ANK2: variants seen among roughly 807,000 people sequenced by gnomAD.
ANK2 encodes the protein ankyrin-2.
Under a neutral mutation model 360.5 loss-of-function variants are expected in ANK2, and 83 were observed. The observed-to-expected ratio is 0.23, with a 90% confidence interval of 0.19 to 0.28. ANK2 has a LOEUF of 0.28. Among genes scored for constraint, ANK2 ranks in the 10% least tolerant of loss-of-function variants. The pLI, the probability that ANK2 is intolerant of heterozygous loss-of-function variation, is 1.00. For missense variants in ANK2, 4,201 were observed against 4,795.7 expected (o/e 0.88, Z 3.66); for synonymous variants, 1,740 against 1,759.5 (o/e 0.99, Z 0.28).
rs764565279 is a variant in ANK2 at position 113,369,819 on chromosome 4, C to G, written c.11610+14C>G. On this transcript the variant is annotated intron_variant, in intron 43 of 45. Coordinates refer to ENST00000357077, the MANE Select transcript of ANK2 (RefSeq NM_001148.6). ...GCTTTTGAAAAGGTAAGACATTCCT[C>G]TCCACTTTCTCGCCCACCTGTAACA... is the stretch of plus-strand genomic sequence containing the variant. 1.9e-6 allele frequency: 3 copies of G among 1,613,968 alleles called. No individual in the cohort carries two copies. Among genetic ancestry groups the G allele is most frequent in the East Asian group, 2.2e-5 (1 of 44,878 alleles).
intron 22 of ANK2, among the ~76,000 whole-genome samples, chr4:113,301,221 T>A (rs542978576): frequency 6.6e-6 from 1 of 152,286 alleles, no homozygotes; most frequent in East Asian, 1.9e-4. Flanking sequence ...CTACAGAAAC[T>A]GAAGGTTTGA....
intron 2 of ANK2, among the ~76,000 whole-genome samples, chr4:113,024,162 A>G (rs1298511329): frequency 6.6e-6 from 1 of 152,218 alleles, no homozygotes; most frequent in Non-Finnish European, 1.5e-5. Flanking sequence ...AGAAAAGAAT[A>G]TAGATAAATT....
intron 13 of ANK2, among the ~76,000 whole-genome samples, chr4:113,264,444 G>T (rs908933181): frequency 4.6e-5 from 7 of 152,126 alleles, no homozygotes; most frequent in Admixed American, 4.6e-4. Context: ...TTAAGCTGCT[G>T]ATTGTGAAGT....
At chr4:113,038,004 G>A (rs1194310824) in intron 2 of ANK2, among the ~76,000 whole-genome samples, 3 of 152,034 alleles carry the variant, frequency 2.0e-5, no homozygotes, top group Non-Finnish European at 4.4e-5. Flanking sequence ...AATTATGCTT[G>A]CACTACATGT....
intron 2 of ANK2, among the ~76,000 whole-genome samples, chr4:113,015,602 T>G (rs2056390103): frequency 6.6e-6 from 1 of 152,190 alleles, no homozygotes; most frequent in African/African-American, 2.4e-5. Flanking sequence ...GAAAAATATA[T>G]GGGTTGTAGG....
In ANK2 at chr4:113,154,251, A is replaced by C. The variant is rs567593312; in HGVS notation, c.85-20165A>C. Among the ~76,000 whole-genome samples the C allele has an allele frequency of 3.3e-5, 5 of 152,356 alleles. No individual in the cohort carries two copies. The South Asian group carries it at 8.3e-4, about 25-fold the overall frequency. ...AATAAATTTAAGTTTCACTTCCAAA[A>C]ACTAATAATTACTGTGTACCTATAT... On this transcript the variant is annotated intron_variant, in intron 1 of 45. Transcript: ENST00000357077.
chr4:112,820,970 G>A (rs1430780357), intron 1 of ANK2, among the ~76,000 whole-genome samples: 1 of 152,064 alleles, frequency 6.6e-6, no homozygotes, highest in African/African-American at 2.4e-5. Flanking sequence ...GGAGTGCAAT[G>A]GCGCGATCTT....
intron 17 of ANK2, among the ~76,000 whole-genome samples, chr4:113,280,372 A>T (rs1283509247): frequency 6.6e-6 from 1 of 152,160 alleles, no homozygotes; most frequent in Non-Finnish European, 1.5e-5. Flanking sequence ...GCACGTACCG[A>T]GTTCAGAAGA....
chr4:113,345,621 G>A (rs1237482580), intron 34 of ANK2, among the ~76,000 whole-genome samples: 3 of 151,930 alleles, frequency 2.0e-5, no homozygotes, highest in African/African-American at 7.3e-5. Flanking sequence ...AATTTGATAC[G>A]CTAATCATTT....
intron 1 of ANK2, among the ~76,000 whole-genome samples, chr4:112,825,207 A>C (rs1041370117): frequency 1.3e-5 from 2 of 152,184 alleles, no homozygotes; most frequent in African/African-American, 4.8e-5. Context: ...GAGAGGGAGG[A>C]GGGATAGCAT....
intron 37 of ANK2, among the ~76,000 whole-genome samples, chr4:113,352,688 C>T (rs1203675594): frequency 1.3e-5 from 2 of 151,220 alleles, no homozygotes; most frequent in African/African-American, 2.4e-5. Flanking sequence ...TCTGAACAAT[C>T]TTGAGATACC....
At chr4:113,092,362 C>T (rs998050403) in intron 1 of ANK2, among the ~76,000 whole-genome samples, 24 of 152,198 alleles carry the variant, frequency 1.6e-4, no homozygotes, top group African/African-American at 5.5e-4. Context: ...TGAGAAGTCA[C>T]TTGGTGTAGA....
chr4:112,736,191 G>A, the ANK2 span, among the ~76,000 whole-genome samples: 5 of 152,104 alleles, frequency 3.3e-5, no homozygotes, highest in South Asian at 2.1e-4. Flanking sequence ...GGCTGGGCGC[G>A]GTGGCTCATG....
At chr4:113,097,907 T>C (rs1562042287) in intron 1 of ANK2, among the ~76,000 whole-genome samples, 1 of 114,730 alleles carries the variant, frequency 8.7e-6, no homozygotes, top group African/African-American at 3.9e-5. Context: ...CACACATATA[T>C]ATGTATATAT....
chr4:112,785,021 G>A, the ANK2 span, among the ~76,000 whole-genome samples: 2 of 152,196 alleles, frequency 1.3e-5, no homozygotes, highest in Non-Finnish European at 2.9e-5. Flanking sequence ...AATACCAGAA[G>A]TATGGGAACA....
At chr4:113,006,862 C>T (rs2053056774) in intron 2 of ANK2, among the ~76,000 whole-genome samples, 1 of 150,964 alleles carries the variant, frequency 6.6e-6, no homozygotes. Flanking sequence ...TGGTTTCAAA[C>T]ATGTAGGACT....
At position 113,318,731 on chromosome 4, in the gene ANK2, C is replaced by T. The variant is rs2084300554; in HGVS notation, c.2900+111C>T. 18 of 885,038 alleles carry T rather than the reference C, an allele frequency of 2.0e-5. No homozygotes were observed. In the East Asian group the frequency reaches 4.8e-4, roughly 24 times the overall value. 54.8% of individuals were successfully genotyped at this position (885,038 alleles called of 1,614,324 possible). A position where few individuals can be genotyped will look rare whatever the true frequency, so the allele number is the denominator to read the frequency against. ...GGTGGCTAGCTTTACAGTGGAGGTGCCCTTTGTTTAAACTTGTAAATAACA... is the reference window on the plus strand; with the variant it reads ...GGTGGCTAGCTTTACAGTGGAGGTGTCCTTTGTTTAAACTTGTAAATAACA... On this transcript the variant is annotated intron_variant, in intron 26 of 45. Transcript: ENST00000357077.
intron 1 of ANK2, among the ~76,000 whole-genome samples, chr4:113,131,033 A>C (rs997326106): frequency 1.1e-4 from 16 of 152,204 alleles, no homozygotes; most frequent in Non-Finnish European, 1.8e-4. Flanking sequence ...TACCATTTCT[A>C]TTTAAATGTT....
Position 113,353,826 on chromosome 4 carries a change from A to G in ANK2, c.5208A>G (p.Ser1736=). The change falls in exon 38 of 46, where the codon TCA becomes TCG. Residue 1736 remains serine, a synonymous_variant. Coordinates refer to ENST00000357077, the MANE Select transcript of ANK2 (RefSeq NM_001148.6). ...AELKKGSSEE[S]LGEDPGLAPE... ...TTAAAAAAGGTAGTTCAGAAGAGTCATTAGGTGAAGACCCAGGTTTAGCCC... is the reference window on the plus strand; with the variant it reads ...TTAAAAAAGGTAGTTCAGAAGAGTCGTTAGGTGAAGACCCAGGTTTAGCCC... 6.2e-7 allele frequency: 1 copy of G among 1,614,060 alleles called. No homozygotes were observed. The highest frequency in any genetic ancestry group is 8.5e-7 in the Non-Finnish European group (1 of 1,179,992).
Sources: gnomAD v4.1 joint callset for allele counts (sites outside exome capture counted in the v4.1 genomes callset) on GRCh38, gnomAD v4.1.1 for gene constraint, MANE v1.5 for transcripts, NCBI Gene and HGNC (gene_info 2026-07-23, HGNC 2026-07-21) for gene names.